The following SAMD4A variants were observed in gnomAD, a reference collection of about 807,000 sequenced individuals.
SAMD4A encodes protein Smaug homolog 1.
SAMD4A carries 33 observed loss-of-function variants against 81.3 expected under a neutral mutation model. That is an observed-to-expected ratio of 0.41 (90% CI 0.31 to 0.54). The LOEUF (loss-of-function observed/expected upper bound fraction) is 0.54, where lower values mean the gene tolerates loss of function less well. SAMD4A is among the 20% of genes least tolerant of loss of function. SAMD4A has a pLI of 0.37. For missense variants in SAMD4A, 854 were observed against 951.1 expected, an observed-to-expected ratio of 0.90 and a Z score of 1.34; for synonymous variants, 389 against 382.1, an observed-to-expected ratio of 1.02 and a Z score of -0.21.
chr14:54,648,902 A>AGGC (rs1256518286), intron 2 of SAMD4A, among the ~76,000 whole-genome samples: 1 of 152,056 alleles, frequency 6.6e-6, no homozygotes, highest in Non-Finnish European at 1.5e-5. Flanking sequence ...CAGGTGGGAG[A>AGGC]GGCGGTGGCT....
chr14:54,659,404 G>A (rs1443177851), intron 2 of SAMD4A, among the ~76,000 whole-genome samples: 4 of 152,096 alleles, frequency 2.6e-5, no homozygotes, highest in African/African-American at 4.8e-5. Context: ...GTGTGTGTGC[G>A]TGCGCACGCA....
At chr14:54,637,825 G>A (rs1333094664) in intron 2 of SAMD4A, among the ~76,000 whole-genome samples, 3 of 152,180 alleles carry the variant, frequency 2.0e-5, no homozygotes, top group Admixed American at 2.0e-4. Context: ...ATCCCCAGTT[G>A]ATGAAATTTA....
intron 4 of SAMD4A, among the ~76,000 whole-genome samples, chr14:54,738,408 A>G (rs547363305): frequency 5.3e-5 from 8 of 152,316 alleles, no homozygotes; most frequent in African/African-American, 1.9e-4. Context: ...CCCCTGGCAC[A>G]TTCCTTGAAT....
In SAMD4A at chr14:54,775,108, C is replaced by T; in HGVS notation, c.1890C>T (p.Thr630=). The T allele has an allele frequency of 6.2e-7, 1 of 1,614,158 alleles. No individual in the cohort carries two copies. Among genetic ancestry groups the T allele is most frequent in the South Asian group, 1.1e-5 (1 of 91,082 alleles). Residue 630 remains threonine, a synonymous_variant, in exon 10 of 13, where the codon ACC becomes ACT. Coordinates refer to ENST00000554335, the MANE Select transcript of SAMD4A (RefSeq NM_015589.6). ...VSSNQRNTTA[T]PTIMKQGRQN... ...CCAACCAGCGCAACACCACAGCTACCCCCACCATCATGAAACAAGGAAGAC... is the reference window on the plus strand; with the variant it reads ...CCAACCAGCGCAACACCACAGCTACTCCCACCATCATGAAACAAGGAAGAC...
intron 2 of SAMD4A, among the ~76,000 whole-genome samples, chr14:54,655,787 A>G (rs2035507228): frequency 6.6e-6 from 1 of 152,132 alleles, no homozygotes; most frequent in Non-Finnish European, 1.5e-5. Flanking sequence ...ATCGGGAGTC[A>G]GAATGCTTGT....
intron 2 of SAMD4A, among the ~76,000 whole-genome samples, chr14:54,601,532 AC>A (rs1378587223): frequency 6.6e-6 from 1 of 152,220 alleles, no homozygotes; most frequent in East Asian, 1.9e-4. Flanking sequence ...ATGAGTCTCA[AC>A]AGAAACCCAG....
Position 54,702,517 on chromosome 14 carries a change from C to A in SAMD4A, c.652C>A (p.Pro218Thr). ...CATGGGGTGTGAGAATGGCCATGTG[C>A]CCCTCTACTCCTCCTCATCTGTCCC... ...KSMGCENGHV[P>T]LYSSSSVPTT... is the part of the protein sequence containing the mutation. Residue 218 changes from proline (P) to threonine (T), a missense_variant, in exon 3 of 13, where the codon CCC (proline) becomes ACC (threonine). Around this residue, in one of 3 missense-constraint regions of SAMD4A, gnomAD observed 387 missense variants for 405.8 expected, o/e 0.95. Coordinates refer to ENST00000554335, the MANE Select transcript of SAMD4A (RefSeq NM_015589.6). 6.2e-7 allele frequency: 1 copy of A among 1,614,160 alleles called. No individual in the cohort carries two copies. Among genetic ancestry groups the A allele is most frequent in the Non-Finnish European group, 8.5e-7 (1 of 1,179,998 alleles).
At chr14:54,767,047 T>C (rs1336854331) in intron 8 of SAMD4A, among the ~76,000 whole-genome samples, 1 of 152,168 alleles carries the variant, frequency 6.6e-6, no homozygotes, top group Non-Finnish European at 1.5e-5. Flanking sequence ...TGGTGAGGTG[T>C]CTGCTTGCTA....
chr14:54,770,359 C>T, intron 9 of SAMD4A, 137 bp downstream of exon 9: 2 of 661,066 alleles, frequency 3.0e-6, no homozygotes. Context: ...TTCCAAATTG[C>T]ATTGCTTAAA....
At chr14:54,669,006 T>C (rs1031699805) in intron 2 of SAMD4A, among the ~76,000 whole-genome samples, 1 of 152,232 alleles carries the variant, frequency 6.6e-6, no homozygotes, top group Non-Finnish European at 1.5e-5. Flanking sequence ...CCCGAGGCCA[T>C]AGAGCAGAGG....
chr14:54,702,108 C>G lies in SAMD4A; in HGVS notation c.243C>G (p.Ser81=), dbSNP rs759076152. The part of the protein sequence containing the change: ...WQQESKDKVI[S]LLLTHLPLLK... Reference sequence around the variant, plus strand: ...AGGAATCCAAGGATAAAGTGATTTCCCTCCTGTTAACTCATCTGCCTTTGC... The same window carrying G: ...AGGAATCCAAGGATAAAGTGATTTCGCTCCTGTTAACTCATCTGCCTTTGC... The change falls in exon 3 of 13, where the codon TCC becomes TCG. Residue 81 remains serine (S), a synonymous_variant. Transcript: ENST00000554335. The G allele has an allele frequency of 2.2e-5, 35 of 1,614,090 alleles. No homozygotes were observed. In the East Asian group the frequency reaches 7.6e-4, roughly 35 times the overall value.
At chr14:54,694,563 T>A (rs1247586118) in intron 2 of SAMD4A, 1 of 944,060 alleles carries the variant, frequency 1.1e-6, no homozygotes, top group African/African-American at 1.8e-5. Flanking sequence ...GGAGTGTGAA[T>A]CTGGGGCTCA....
intron 3 of SAMD4A, chr14:54,702,853 A>T: frequency 2.5e-6 from 1 of 392,290 alleles, no homozygotes; most frequent in Non-Finnish European, 4.6e-6. Context: ...AAAGAAGGAA[A>T]CTTGCCGTTT....
chr14:54,749,089 G>A (rs187956101), intron 5 of SAMD4A, among the ~76,000 whole-genome samples, 165 bp downstream of exon 5: 1 of 152,172 alleles, frequency 6.6e-6, no homozygotes, highest in East Asian at 1.9e-4. Context: ...GCAAAACTGG[G>A]TGGATTCTTG....
intron 2 of SAMD4A, among the ~76,000 whole-genome samples, chr14:54,614,722 C>T (rs905300418): frequency 6.6e-6 from 1 of 152,142 alleles, no homozygotes; most frequent in African/African-American, 2.4e-5. Flanking sequence ...CAAAGCCTTA[C>T]AACAAAAATT....
At position 54,775,072 on chromosome 14, in the gene SAMD4A, A is replaced by T; in HGVS notation, c.1854A>T (p.Gly618=). The T allele has an allele frequency of 6.2e-7, 1 of 1,614,084 alleles. No individual in the cohort carries two copies. Among genetic ancestry groups the T allele is most frequent in the Non-Finnish European group, 8.5e-7 (1 of 1,180,004 alleles). ...SARLGLLGTS[G]FVSSNQRNTT... ...GCCTGGGCCTCTTGGGCACCAGTGG[A>T]TTCGTCAGCTCCAACCAGCGCAACA... Residue 618 remains glycine (G), a synonymous_variant, in exon 10 of 13, where the codon GGA becomes GGT. Coordinates refer to ENST00000554335, the MANE Select transcript of SAMD4A (RefSeq NM_015589.6).
At chr14:54,622,627 G>A (rs927912792) in intron 2 of SAMD4A, among the ~76,000 whole-genome samples, 1 of 152,220 alleles carries the variant, frequency 6.6e-6, no homozygotes, top group Non-Finnish European at 1.5e-5. Flanking sequence ...GAGGACTCCT[G>A]CCCCTGGATA....
chr14:54,664,285 A>G (rs999164580), intron 2 of SAMD4A, among the ~76,000 whole-genome samples: 2 of 152,212 alleles, frequency 1.3e-5, no homozygotes, highest in Non-Finnish European at 2.9e-5. Context: ...ATCTTCAAAG[A>G]TAAGGCATGG....
intron 11 of SAMD4A, among the ~76,000 whole-genome samples, chr14:54,780,502 A>G (rs1427771554): frequency 2.6e-5 from 4 of 152,230 alleles, no homozygotes; most frequent in Non-Finnish European, 5.9e-5. Flanking sequence ...ATGCAGAGGC[A>G]GAAACCAGAA....
Sources: allele counts gnomAD v4.1 joint callset (sites outside exome capture counted in the v4.1 genomes callset), GRCh38; gene constraint gnomAD v4.1.1; regional missense constraint gnomAD v4.1.1; transcripts MANE v1.5; gene names NCBI Gene and HGNC (gene_info 2026-07-23, HGNC 2026-07-21).